Variants in LOXL2 observed in about 807,000 individuals in gnomAD.
LOXL2 encodes the protein lysyl oxidase homolog 2.
In LOXL2, 70 loss-of-function variants were observed where a neutral mutation model predicts 93.0. The observed-to-expected ratio is 0.75, with a 90% CI of 0.62 to 0.92. The LOEUF is 0.92. Among genes scored for constraint, LOXL2 ranks in the 40% least tolerant of loss-of-function variants. LOXL2 has a pLI of 0.00. For synonymous variants in LOXL2, 438 were observed against 413.2 expected, an observed-to-expected ratio of 1.06 and a Z score of -0.73; for missense variants, 973 against 1,054.9, an observed-to-expected ratio of 0.92 and a Z score of 1.08.
At chr8:23,377,930 C>T (rs1286304899) in intron 1 of LOXL2, among the ~76,000 whole-genome samples, 1 of 152,136 alleles carries the variant, frequency 6.6e-6, no homozygotes, top group Non-Finnish European at 1.5e-5. Context: ...GAGCATTTAG[C>T]CCATTTACAT....
At chr8:23,350,996 G>A (rs1184932373) in intron 3 of LOXL2, among the ~76,000 whole-genome samples, 1 of 152,080 alleles carries the variant, frequency 6.6e-6, no homozygotes, top group East Asian at 1.9e-4. Flanking sequence ...TGGTGAATCT[G>A]GTAGTTCTCT....
chr8:23,313,113 AAGG>A (rs1417115638), intron 9 of LOXL2, among the ~76,000 whole-genome samples: 1 of 152,086 alleles, frequency 6.6e-6, no homozygotes, highest in Admixed American at 6.5e-5. Flanking sequence ...GGACCTCTTC[AAGG>A]AGAACTACAA....
intron 7 of LOXL2, 108 bp from the exon 8 acceptor site, chr8:23,320,160 C>G: frequency 1.7e-6 from 2 of 1,169,282 alleles, no homozygotes; most frequent in Admixed American, 2.0e-5. Context: ...TGGTGCTGCC[C>G]GGGACACACT....
intron 1 of LOXL2, among the ~76,000 whole-genome samples, chr8:23,368,950 C>T (rs1804457102): frequency 6.6e-6 from 1 of 152,152 alleles, no homozygotes; most frequent in East Asian, 1.9e-4. Flanking sequence ...CCCTTTCCTC[C>T]CGTCTTTGAA....
intron 1 of LOXL2, among the ~76,000 whole-genome samples, chr8:23,388,659 ACACACACACAC>A (rs1259655643): frequency 7.6e-6 from 1 of 130,786 alleles, no homozygotes. Flanking sequence ...ACACACACAC[ACACACACACAC>A]TAGAAATGTA....
chr8:23,298,265 C>A, intron 13 of LOXL2, 143 bp from the exon 14 acceptor site: 2 of 636,178 alleles, frequency 3.1e-6, no homozygotes, highest in Non-Finnish European at 2.8e-6. Context: ...CAGGCACTGG[C>A]CATCTCTAGG....
chr8:23,350,898 G>A (rs759884999), intron 3 of LOXL2, among the ~76,000 whole-genome samples: 21 of 152,134 alleles, frequency 1.4e-4, no homozygotes, highest in Non-Finnish European at 2.6e-4. Context: ...GCAGGAAGTC[G>A]GCGGGACACC....
chr8:23,337,755 C>T (rs899185243), intron 4 of LOXL2, among the ~76,000 whole-genome samples: 9 of 152,116 alleles, frequency 5.9e-5, no homozygotes, highest in African/African-American at 1.9e-4. Flanking sequence ...GGAATGGGGG[C>T]CTGAAGTTTA....
At chr8:23,311,247 T>A (rs1803315583) in intron 9 of LOXL2, among the ~76,000 whole-genome samples, 1 of 152,160 alleles carries the variant, frequency 6.6e-6, no homozygotes, top group Non-Finnish European at 1.5e-5. Flanking sequence ...GGAGCTGGCA[T>A]CCTCTAGAGA....
Position 23,309,896 on chromosome 8 carries a change from A to G in LOXL2, c.1652T>C (p.Val551Ala). The change falls in exon 10 of 14, where the codon GTC becomes GCC. Residue 551 changes from valine to alanine, a missense_variant. Coordinates refer to ENST00000389131, the MANE Select transcript of LOXL2 (RefSeq NM_002318.3). ...VACSETAPDL[V>A]LNAEMVQQTT... ...CTGCTGCACCATCTCCGCATTGAGG[A>G]CCAGGTCAGGGGCGGCTGCGGAGGA... 1 of 1,530,994 alleles carries G rather than the reference A, an allele frequency of 6.5e-7. No homozygotes were observed. The highest frequency in any genetic ancestry group is 1.4e-5 in the African/African-American group (1 of 72,112). 94.8% of individuals were successfully genotyped at this position (1,530,994 alleles called of 1,614,324 possible).
intron 2 of LOXL2, among the ~76,000 whole-genome samples, chr8:23,367,280 C>T (rs1804418259): frequency 6.6e-6 from 1 of 152,150 alleles, no homozygotes; most frequent in Admixed American, 6.5e-5. Context: ...AACTCCTGAC[C>T]TCAAGTGATC....
At chr8:23,402,387 G>A (rs1585388102) in intron 1 of LOXL2, among the ~76,000 whole-genome samples, 1 of 152,350 alleles carries the variant, frequency 6.6e-6, no homozygotes, top group African/African-American at 2.4e-5. Flanking sequence ...GGTAGCCACT[G>A]GGGCCCATGG....
chr8:23,307,959 A>G lies in LOXL2; in HGVS notation c.1880+1709T>C, dbSNP rs1157697212. On this transcript the variant is annotated intron_variant, in intron 10 of 13. Coordinates refer to ENST00000389131, the MANE Select transcript of LOXL2 (RefSeq NM_002318.3). ...AGGTCATCAGCTGCGATATGAAAAA[A>G]AAAAAAAAAAAAAAGCCAAAGATAG... Among the ~76,000 whole-genome samples the G allele has an allele frequency of 6.7e-5, 10 of 149,438 alleles. 1 individual carries two copies. The highest frequency in any genetic ancestry group is 2.4e-4 in the African/African-American group (10 of 40,886).
At chr8:23,346,178 A>T (rs1197520037) in intron 3 of LOXL2, among the ~76,000 whole-genome samples, 1 of 119,890 alleles carries the variant, frequency 8.3e-6, no homozygotes, top group Non-Finnish European at 1.6e-5. Flanking sequence ...TAAAATAAAT[A>T]AAATAATAAA....
chr8:23,377,391 T>C (rs531564612), intron 1 of LOXL2, among the ~76,000 whole-genome samples: 1 of 151,734 alleles, frequency 6.6e-6, no homozygotes, highest in Non-Finnish European at 1.5e-5. Flanking sequence ...AAGTGCGATG[T>C]GGTGCTGAGA....
At chr8:23,337,698 T>C (rs577714221) in intron 4 of LOXL2, among the ~76,000 whole-genome samples, 2 of 152,312 alleles carry the variant, frequency 1.3e-5, no homozygotes, top group Admixed American at 6.5e-5. Context: ...GGATCCTACT[T>C]TTGGGAGAAC....
chr8:23,324,540 A>G (rs1407918062), intron 6 of LOXL2, among the ~76,000 whole-genome samples: 1 of 152,068 alleles, frequency 6.6e-6, no homozygotes, highest in African/African-American at 2.4e-5. Context: ...CCTTCTGCTG[A>G]CCTGGGCTTG....
At chr8:23,350,213 C>T (rs1422375212) in intron 3 of LOXL2, among the ~76,000 whole-genome samples, 1 of 152,174 alleles carries the variant, frequency 6.6e-6, no homozygotes, top group Non-Finnish European at 1.5e-5. Flanking sequence ...ATGAGGCATG[C>T]TGTACTCCAG....
At chr8:23,386,058 C>T (rs376843825) in intron 1 of LOXL2, 7 of 764,948 alleles carry the variant, frequency 9.2e-6, no homozygotes, top group East Asian at 4.8e-5. Context: ...AAGGAAAAAC[C>T]GAGAGACAGA....
Sources: gnomAD v4.1 joint callset for allele counts (sites outside exome capture counted in the v4.1 genomes callset) on GRCh38, gnomAD v4.1.1 for gene constraint, MANE v1.5 for transcripts, NCBI Gene and HGNC (gene_info 2026-07-23, HGNC 2026-07-21) for gene names.